Variants in FAM83B observed in about 807,000 individuals in gnomAD.
The protein encoded by FAM83B is scaffolding CK1 anchoring protein B, also known as protein FAM83B.
In FAM83B, 26 loss-of-function variants were observed where a neutral mutation model predicts 38.8. That is an observed-to-expected ratio of 0.67 (90% CI 0.49 to 0.93). The LOEUF is 0.93. Ranked by LOEUF, FAM83B falls within the 40% of genes least tolerant of loss-of-function variation. The pLI is 0.00. For missense variants in FAM83B, 1,237 were observed against 1,197.3 expected (o/e 1.03, Z -0.49); for synonymous variants, 419 against 423.1 (o/e 0.99, Z 0.12).
chr6:54,943,978 G>T lies in FAM83B; in HGVS notation c.*1971G>T, dbSNP rs1390864880. Reference sequence around the variant, plus strand: ...GCTCTTCCTCTTCAGTGGAATTGAGGAATACAGAATGCTTTATTTCATCAT... The same window carrying T: ...GCTCTTCCTCTTCAGTGGAATTGAGTAATACAGAATGCTTTATTTCATCAT... On this transcript the variant is annotated 3_prime_UTR_variant, in exon 5 of 5. Transcript: ENST00000306858. 6.6e-6 allele frequency: 1 copy of T among 152,140 alleles called. No individual in the cohort carries two copies. The highest frequency in any genetic ancestry group is 1.5e-5 in the Non-Finnish European group (1 of 68,024). The allele number at this position is 152,140 out of a possible 1,614,324, so 9.4% of individuals were successfully genotyped here. A position where few individuals can be genotyped will look rare whatever the true frequency, so the allele number is the denominator to read the frequency against.
intron 2 of FAM83B, among the ~76,000 whole-genome samples, chr6:54,887,587 G>A (rs186741997): frequency 6.6e-6 from 1 of 151,694 alleles, no homozygotes; most frequent in East Asian, 1.9e-4. Flanking sequence ...ATTACTAATT[G>A]TAATTATTTT....
At position 54,914,480 on chromosome 6, in the gene FAM83B, A is replaced by G. The variant is rs184432590; in HGVS notation, c.445-11891A>G. Among the ~76,000 whole-genome samples the G allele has an allele frequency of 1.6e-4, 24 of 152,026 alleles. 3 individuals carry two copies. Among genetic ancestry groups the G allele is most frequent in the East Asian group, 5.8e-4 (3 of 5,162 alleles). ...CTCTTCACATTCTTCTTATCCATCC[A>G]TCAGTCTCTTTGGATGCTGTTTGGT... is the stretch of plus-strand genomic sequence containing the variant. On this transcript the variant is annotated intron_variant, in intron 2 of 4. Transcript: ENST00000306858.
chr6:54,927,246 A>G (rs577130475), intron 3 of FAM83B, among the ~76,000 whole-genome samples: 3 of 151,914 alleles, frequency 2.0e-5, no homozygotes, highest in South Asian at 2.1e-4. Context: ...ATTATAACCC[A>G]AAAGGGTTTT....
chr6:54,875,337 A>G (rs776660620), intron 2 of FAM83B, among the ~76,000 whole-genome samples: 2 of 152,082 alleles, frequency 1.3e-5, no homozygotes, highest in Admixed American at 1.3e-4. Flanking sequence ...TGTTATTTAT[A>G]TGTTTATCTG....
At chr6:54,938,877 T>C (rs890546134) in intron 4 of FAM83B, among the ~76,000 whole-genome samples, 2 of 152,198 alleles carry the variant, frequency 1.3e-5, no homozygotes, top group African/African-American at 4.8e-5. Flanking sequence ...AGGTTCCATC[T>C]ATTTTTCTCT....
At chr6:54,922,339 T>C (rs1773190546) in intron 2 of FAM83B, among the ~76,000 whole-genome samples, 1 of 152,036 alleles carries the variant, frequency 6.6e-6, no homozygotes, top group South Asian at 2.1e-4. Context: ...AAAATTCTGA[T>C]TAAAAAAATT....
intron 1 of FAM83B, among the ~76,000 whole-genome samples, chr6:54,857,293 A>G (rs1771467240): frequency 6.6e-6 from 1 of 152,168 alleles, no homozygotes; most frequent in South Asian, 2.1e-4. Context: ...TTGGCCTTAA[A>G]TAGACTCAGA....
intron 2 of FAM83B, among the ~76,000 whole-genome samples, chr6:54,883,871 A>G (rs2127578562): frequency 6.6e-6 from 1 of 151,592 alleles, no homozygotes; most frequent in Admixed American, 6.6e-5. Flanking sequence ...TTTGTGTTCT[A>G]TCAAAGAAAT....
intron 1 of FAM83B, among the ~76,000 whole-genome samples, chr6:54,856,939 T>A (rs1287754475): frequency 2.6e-5 from 4 of 152,176 alleles, no homozygotes; most frequent in African/African-American, 9.7e-5. Flanking sequence ...TTAATATTAT[T>A]TGGCATTCGA....
At position 54,940,607 on chromosome 6, in the gene FAM83B, T is replaced by C. The variant is rs1773655021; in HGVS notation, c.1636T>C (p.Phe546Leu). The change falls in exon 5 of 5, where the codon TTT becomes CTT. Residue 546 changes from phenylalanine (F) to leucine (L), a missense_variant. By Grantham distance (22) the Phe-to-Leu change is conservative (BLOSUM62 0). Transcript: ENST00000306858. ...THSRLRSSLVFKPTLPEQKEV... is the reference protein window; with the variant it reads ...THSRLRSSLVLKPTLPEQKEV... ...TTCTCGGCTTCGTTCCTCTTTAGTA[T>C]TTAAACCCACTTTACCTGAGCAAAA... 12 of 1,613,956 alleles carry C rather than the reference T, an allele frequency of 7.4e-6. No individual in the cohort carries two copies. The highest frequency in any genetic ancestry group is 1.0e-5 in the Non-Finnish European group (12 of 1,180,036).
chr6:54,919,560 A>T (rs537597739), intron 2 of FAM83B, among the ~76,000 whole-genome samples: 1 of 152,188 alleles, frequency 6.6e-6, no homozygotes, highest in Admixed American at 6.6e-5. Flanking sequence ...TGTACAATGT[A>T]CCTTTTAATC....
intron 2 of FAM83B, among the ~76,000 whole-genome samples, chr6:54,909,368 A>C (rs1772852140): frequency 1.3e-5 from 2 of 152,174 alleles, no homozygotes; most frequent in African/African-American, 4.8e-5. Flanking sequence ...GAAAACTATT[A>C]GTTTGGTGCA....
chr6:54,913,588 A>G (rs1387045571), intron 2 of FAM83B, among the ~76,000 whole-genome samples: 3 of 152,086 alleles, frequency 2.0e-5, no homozygotes, highest in Admixed American at 6.5e-5. Context: ...TGGGAGAATG[A>G]GAACAAAAAT....
chr6:54,848,078 A>T (rs1771182603), intron 1 of FAM83B, among the ~76,000 whole-genome samples: 1 of 129,028 alleles, frequency 7.8e-6, no homozygotes, highest in African/African-American at 3.1e-5. Context: ...AGAAGAGAAA[A>T]CTGGGGTTTT....
chr6:54,860,063 G>A (rs1366903661), intron 1 of FAM83B, among the ~76,000 whole-genome samples: 1 of 152,064 alleles, frequency 6.6e-6, no homozygotes, highest in Non-Finnish European at 1.5e-5. Context: ...GTGTGTGTGT[G>A]TGTGTGTTTT....
At chr6:54,856,033 G>T (rs779062099) in intron 1 of FAM83B, among the ~76,000 whole-genome samples, 6 of 152,176 alleles carry the variant, frequency 3.9e-5, no homozygotes, top group Non-Finnish European at 8.8e-5. Context: ...TGGAAAGGGT[G>T]CCAAGGTCTT....
chr6:54,935,047 A>G (rs1773498885), intron 4 of FAM83B, among the ~76,000 whole-genome samples: 1 of 152,192 alleles, frequency 6.6e-6, no homozygotes, highest in South Asian at 2.1e-4. Context: ...GTAGGAAAGA[A>G]AAAGAAATAA....
chr6:54,855,812 C>T (rs923027181), intron 1 of FAM83B, among the ~76,000 whole-genome samples: 1 of 152,128 alleles, frequency 6.6e-6, no homozygotes, highest in Non-Finnish European at 1.5e-5. Context: ...ATGTATCACA[C>T]ACAGAGTAAA....
intron 1 of FAM83B, among the ~76,000 whole-genome samples, chr6:54,847,967 T>G (rs1245952082): frequency 6.6e-6 from 1 of 152,136 alleles, no homozygotes; most frequent in African/African-American, 2.4e-5. Flanking sequence ...CTTCTTTCCC[T>G]TTCTCATCCT....
Sources: allele counts gnomAD v4.1 joint callset (sites outside exome capture counted in the v4.1 genomes callset), GRCh38; gene constraint gnomAD v4.1.1; transcripts MANE v1.5; gene names NCBI Gene and HGNC (gene_info 2026-07-23, HGNC 2026-07-21).